The following ACAP2 variants were observed in gnomAD, a reference collection of about 807,000 sequenced individuals.
ACAP2 encodes the protein arf-GAP with coiled-coil, ANK repeat and PH domain-containing protein 2.
ACAP2 carries 39 observed loss-of-function variants against 115.8 expected under a neutral mutation model. That is an observed-to-expected ratio of 0.34 (90% confidence interval 0.26 to 0.44). ACAP2 has a LOEUF of 0.44. Ranked by LOEUF, ACAP2 falls within the 20% of genes least tolerant of loss-of-function variation. The pLI is 1.00. For missense variants in ACAP2, 662 were observed against 927.6 expected, an observed-to-expected ratio of 0.71 and a Z score of 3.72; for synonymous variants, 289 against 315.8, an observed-to-expected ratio of 0.92 and a Z score of 0.90.
intron 4 of ACAP2, among the ~76,000 whole-genome samples, chr3:195,353,821 T>G (rs1731774440): frequency 6.6e-6 from 1 of 152,208 alleles, no homozygotes; most frequent in African/African-American, 2.4e-5. Context: ...TTCTCTTTTC[T>G]GCTTTTCAAC....
At chr3:195,409,574 T>C (rs776637547) in intron 1 of ACAP2, among the ~76,000 whole-genome samples, 3 of 152,076 alleles carry the variant, frequency 2.0e-5, no homozygotes, top group Non-Finnish European at 4.4e-5. Flanking sequence ...ATGATGTTTT[T>C]TGTAGAAATA....
chr3:195,319,083 A>G (rs1293517864), intron 10 of ACAP2, among the ~76,000 whole-genome samples: 2 of 152,246 alleles, frequency 1.3e-5, no homozygotes, highest in African/African-American at 4.8e-5. Context: ...AGCTCGGGCC[A>G]CTGCTTCAGA....
At chr3:195,368,601 T>C (rs1240212632) in intron 4 of ACAP2, among the ~76,000 whole-genome samples, 1 of 152,248 alleles carries the variant, frequency 6.6e-6, no homozygotes. Flanking sequence ...AATCATGAAA[T>C]TACATATCGT....
chr3:195,374,363 C>T (rs1341228893), intron 4 of ACAP2, among the ~76,000 whole-genome samples: 1 of 152,208 alleles, frequency 6.6e-6, no homozygotes, highest in Admixed American at 6.5e-5. Context: ...GCACTCCAGC[C>T]TGGGGGCTGA....
chr3:195,389,973 A>T (rs1734554191), intron 2 of ACAP2, among the ~76,000 whole-genome samples: 1 of 152,144 alleles, frequency 6.6e-6, no homozygotes, highest in Non-Finnish European at 1.5e-5. Flanking sequence ...AGGCGGGCGG[A>T]TTGCCTGAGC....
chr3:195,411,539 AT>A (rs1257641672), intron 1 of ACAP2, among the ~76,000 whole-genome samples: 1 of 152,214 alleles, frequency 6.6e-6, no homozygotes, highest in African/African-American at 2.4e-5. Flanking sequence ...TTTAAACACA[AT>A]TTTTTAAATT....
chr3:195,411,600 T>G (rs1713266693), intron 1 of ACAP2, among the ~76,000 whole-genome samples: 1 of 152,246 alleles, frequency 6.6e-6, no homozygotes, highest in South Asian at 2.1e-4. Flanking sequence ...GCACACATTT[T>G]ATTTAGCTAT....
At chr3:195,379,367 T>C (rs1187743394) in intron 4 of ACAP2, among the ~76,000 whole-genome samples, 1 of 151,888 alleles carries the variant, frequency 6.6e-6, no homozygotes, top group Non-Finnish European at 1.5e-5. Context: ...TTCAAGAAAG[T>C]AAAAAAGAAA....
intron 2 of ACAP2, among the ~76,000 whole-genome samples, chr3:195,383,766 A>G (rs947345301): frequency 3.9e-5 from 6 of 152,202 alleles, no homozygotes; most frequent in Non-Finnish European, 4.4e-5. Context: ...GTACCATAAA[A>G]AAGGGTATAT....
At chr3:195,305,275 T>C (rs1214414659) in intron 13 of ACAP2, among the ~76,000 whole-genome samples, 1 of 152,016 alleles carries the variant, frequency 6.6e-6, no homozygotes, top group African/African-American at 2.4e-5. Flanking sequence ...AAAATCATAA[T>C]ACCAATCCAG....
chr3:195,392,552 C>T (rs1275095213), intron 1 of ACAP2, among the ~76,000 whole-genome samples: 1 of 152,180 alleles, frequency 6.6e-6, no homozygotes, highest in Non-Finnish European at 1.5e-5. Flanking sequence ...CTTTTACTTT[C>T]AGAAATAGCT....
At chr3:195,368,840 T>A (rs1405349359) in intron 4 of ACAP2, among the ~76,000 whole-genome samples, 1 of 152,190 alleles carries the variant, frequency 6.6e-6, no homozygotes, top group Non-Finnish European at 1.5e-5. Context: ...TCCCACCACT[T>A]TGAGAGGCCA....
chr3:195,343,834 T>C (rs192254671), intron 5 of ACAP2, among the ~76,000 whole-genome samples: 1 of 152,302 alleles, frequency 6.6e-6, no homozygotes, highest in Non-Finnish European at 1.5e-5. Context: ...ATAAAGTATA[T>C]GTAAGAAAGA....
At chr3:195,364,696 AC>A (rs1732595883) in intron 4 of ACAP2, among the ~76,000 whole-genome samples, 1 of 152,222 alleles carries the variant, frequency 6.6e-6, no homozygotes, top group Non-Finnish European at 1.5e-5. Flanking sequence ...AATTAGTACA[AC>A]CACTAAGGAA....
chr3:195,295,430 G>A lies in ACAP2; in HGVS notation c.1672+278C>T, dbSNP rs187706107. 215 of 554,274 alleles carry A rather than the reference G, an allele frequency of 3.9e-4. 1 individual carries two copies. Among genetic ancestry groups the A allele is most frequent in the Non-Finnish European group, 5.9e-4 (196 of 332,528 alleles). 34.3% of individuals were successfully genotyped at this position (554,274 alleles called of 1,614,324 possible). On this transcript the variant is annotated intron_variant, in intron 17 of 22. Transcript: ENST00000326793. ...AATCAGGTAGTTAATCAGATACTTA[G>A]GGCTTTTGAAATGTCAGGTTTATAA...
chr3:195,380,683 C>T (rs1177856550), intron 4 of ACAP2, among the ~76,000 whole-genome samples: 1 of 152,072 alleles, frequency 6.6e-6, no homozygotes, highest in Admixed American at 6.5e-5. Context: ...CTTCTTTATT[C>T]TTAAGTACAT....
In ACAP2 at chr3:195,404,270, G is replaced by A. The variant is rs141337989; in HGVS notation, c.54-12123C>T. Among the ~76,000 whole-genome samples the A allele has an allele frequency of 2.5e-3, 388 of 152,256 alleles. 2 individuals are homozygous for A. Among genetic ancestry groups the A allele is most frequent in the African/African-American group, 8.9e-3 (371 of 41,540 alleles). On this transcript the variant is annotated intron_variant, in intron 1 of 22. Coordinates refer to ENST00000326793, the MANE Select transcript of ACAP2 (RefSeq NM_012287.6). ...GTAATCAAGTATGTCAAAAGCTGCC[G>A]ACAGGTCAAACAAGAGGACTAAGAA...
At chr3:195,325,358 T>C (rs2108611775) in intron 9 of ACAP2, 1 of 421,996 alleles carries the variant, frequency 2.4e-6, no homozygotes, top group Admixed American at 3.0e-5. Context: ...TTTAAATTTT[T>C]GAAAAAATCT....
chr3:195,306,786 C>T (rs1012097517), intron 12 of ACAP2, 170 bp from the exon 13 acceptor site: 20 of 438,154 alleles, frequency 4.6e-5, no homozygotes, highest in Non-Finnish European at 7.1e-5. Flanking sequence ...AGTATGTTAA[C>T]GAAGAAATTA....
Sources: allele counts gnomAD v4.1 joint callset (sites outside exome capture counted in the v4.1 genomes callset), GRCh38; gene constraint gnomAD v4.1.1; transcripts MANE v1.5; gene names NCBI Gene and HGNC (gene_info 2026-07-23, HGNC 2026-07-21).